PEDS1: variants seen among roughly 807,000 people sequenced by gnomAD.
PEDS1 encodes plasmanylethanolamine desaturase 1.
A neutral mutation model predicts 35.2 loss-of-function variants in PEDS1; 14 were observed. That is an observed-to-expected ratio of 0.40 (90% CI 0.26 to 0.62). The LOEUF (loss-of-function observed/expected upper bound fraction) is 0.62. PEDS1 is among the 20% of genes least tolerant of loss of function. PEDS1 has a pLI of 0.44. For missense variants in PEDS1, 260 were observed against 367.8 expected (o/e 0.71, Z 2.40); for synonymous variants, 152 against 152.0 (o/e 1.00, Z 0.00).
intron 2 of PEDS1, 150 bp from the exon 3 acceptor site, chr20:50,131,097 A>T: frequency 1.3e-6 from 2 of 1,546,874 alleles, no homozygotes; most frequent in Non-Finnish European, 8.8e-7. Flanking sequence ...CTGAAGATGG[A>T]GCCTCAGGCT....
At chr20:50,145,727 T>C (rs1006687407) in intron 1 of PEDS1, among the ~76,000 whole-genome samples, 3 of 151,878 alleles carry the variant, frequency 2.0e-5, no homozygotes, top group Admixed American at 1.3e-4. Flanking sequence ...AAAAACACCA[T>C]GTGGGTGACA....
At position 50,129,153 on chromosome 20, in the gene PEDS1, C is replaced by T. The variant is rs928032429; in HGVS notation, c.478+393G>A. ...GCAGGCCCTGTTTTCACAGCCTAGA[C>T]ATTTTCCACTAGGCCACGGTAGCAA... On this transcript the variant is annotated intron_variant, in intron 4 of 5. Coordinates refer to ENST00000371652, the MANE Select transcript of PEDS1 (RefSeq NM_199129.4). The surrounding 1 kb of genome is among the most constrained non-coding windows in gnomAD (Gnocchi z 4.2). Among the ~76,000 whole-genome samples the T allele has an allele frequency of 5.3e-5, 8 of 152,252 alleles. No homozygotes were observed. The highest frequency in any genetic ancestry group is 1.9e-4 in the African/African-American group (8 of 41,476).
rs1436591438 is a variant in PEDS1, at chr20:50,119,797, A to G, written c.*5261T>C. The G allele has an allele frequency of 6.6e-6, 1 of 152,234 alleles. No homozygotes were observed. The highest frequency in any genetic ancestry group is 1.5e-5 in the Non-Finnish European group (1 of 68,054). The allele number at this position is 152,234 out of a possible 1,614,324, so 9.4% of individuals were successfully genotyped here. On this transcript the variant is annotated 3_prime_UTR_variant, in exon 6 of 6. Transcript: ENST00000371652. Reference sequence around the variant, plus strand: ...TAAAGGGCCAGATCGTAAATATTTTAGGCTGTGTGGACCACGTGGTCTCCG... The same window carrying G: ...TAAAGGGCCAGATCGTAAATATTTTGGGCTGTGTGGACCACGTGGTCTCCG...
In PEDS1 at chr20:50,128,090, G is replaced by A. The variant is rs1215980870; in HGVS notation, c.576C>T (p.Tyr192=). 1 of 1,614,108 alleles carries A rather than the reference G, an allele frequency of 6.2e-7. No individual in the cohort carries two copies. Among genetic ancestry groups the A allele is most frequent in the African/African-American group, 1.3e-5 (1 of 74,932 alleles). The change falls in exon 5 of 6, where the codon TAC becomes TAT. Residue 192 remains tyrosine, a synonymous_variant. Coordinates refer to ENST00000371652, the MANE Select transcript of PEDS1 (RefSeq NM_199129.4). This position sits in a 1 kb window ranked among gnomAD's most constrained non-coding sequence, Gnocchi z 5.2. ...TNQIHKWSHT[Y]FGLPRWVTLL... is the part of the protein sequence containing the mutation. ...GGGTGACCCAGCGTGGCAGCCCAAAGTACGTGTGCGACCACTTGTGGATCT... is the reference window on the plus strand; with the variant it reads ...GGGTGACCCAGCGTGGCAGCCCAAAATACGTGTGCGACCACTTGTGGATCT...
chr20:50,131,821 T>A (rs1456742235), intron 2 of PEDS1, among the ~76,000 whole-genome samples: 1 of 152,182 alleles, frequency 6.6e-6, no homozygotes, highest in African/African-American at 2.4e-5. Flanking sequence ...GTTCAGTAGA[T>A]TTGGACTCAA....
intron 1 of PEDS1, among the ~76,000 whole-genome samples, chr20:50,148,906 T>A (rs2081372927): frequency 6.6e-6 from 1 of 151,090 alleles, no homozygotes; most frequent in Non-Finnish European, 1.5e-5. Context: ...AGGTCAGGAG[T>A]TGGAGACCAG....
Position 50,128,766 on chromosome 20 carries a change from A to G in PEDS1, c.479-579T>C, listed in dbSNP as rs2081140647. On this transcript the variant is annotated intron_variant, in intron 4 of 5. Transcript: ENST00000371652. This position sits in a 1 kb window ranked among gnomAD's most constrained non-coding sequence, Gnocchi z 5.2. ...GGTGTTAACGGCTCTTTAGAATTAG[A>G]CCCACTCAGAGGCAAAGGGACTAGC... is the stretch of plus-strand genomic sequence containing the variant. 6.6e-6 allele frequency among the ~76,000 whole-genome samples: 1 copy of G among 152,126 alleles called. No individual in the cohort carries two copies. Among genetic ancestry groups the G allele is most frequent in the African/African-American group, 2.4e-5 (1 of 41,416 alleles).
intron 1 of PEDS1, chr20:50,151,257 C>T: frequency 7.7e-7 from 1 of 1,304,280 alleles, no homozygotes. Context: ...AGATTTGGGG[C>T]ACCAGGCTGT....
chr20:50,142,971 A>C (rs1259655574), intron 2 of PEDS1, among the ~76,000 whole-genome samples: 2 of 152,088 alleles, frequency 1.3e-5, no homozygotes, highest in African/African-American at 2.4e-5. Context: ...GGGTGGCTAG[A>C]GGAAGCTGGG....
intron 1 of PEDS1, among the ~76,000 whole-genome samples, chr20:50,152,093 G>A (rs2081410750): frequency 6.6e-6 from 1 of 152,190 alleles, no homozygotes. Context: ...CAGGAGAGCA[G>A]GAGGTTTTAA....
At chr20:50,130,312 C>T (rs1241470713) in intron 3 of PEDS1, among the ~76,000 whole-genome samples, 2 of 152,118 alleles carry the variant, frequency 1.3e-5, no homozygotes, top group African/African-American at 4.8e-5. Context: ...TTCTTGGGAG[C>T]TGGAAGGATG....
In PEDS1 at chr20:50,127,976, T is replaced by G; in HGVS notation, c.690A>C (p.Thr230=). Residue 230 remains threonine, a splice_region_variant and synonymous_variant, in exon 5 of 6, where the codon ACA becomes ACC. Transcript: ENST00000371652. The part of the protein sequence containing the change: ...SPHETYFCIT[T]GWLNYPLEKI... ...ATTCCACGCCACTGGTGGCCGCACC[T>G]GTGGTGATGCAGAAGTAGGTCTCGT... 1 of 1,613,600 alleles carries G rather than the reference T, an allele frequency of 6.2e-7. No homozygotes were observed. The highest frequency in any genetic ancestry group is 8.5e-7 in the Non-Finnish European group (1 of 1,179,800).
intron 2 of PEDS1, among the ~76,000 whole-genome samples, chr20:50,139,880 C>T (rs527269120): frequency 2.1e-4 from 32 of 152,078 alleles, no homozygotes; most frequent in Non-Finnish European, 3.8e-4. Flanking sequence ...AGGGTTTCAC[C>T]GTCCCAAAGT....
intron 2 of PEDS1, among the ~76,000 whole-genome samples, chr20:50,137,246 G>A (rs1258520607): frequency 2.0e-5 from 3 of 151,994 alleles, no homozygotes; most frequent in African/African-American, 4.8e-5. Context: ...TGTCCAGGCT[G>A]ACCAGTGAAC....
intron 5 of PEDS1, among the ~76,000 whole-genome samples, chr20:50,127,338 TG>T (rs1406392969): frequency 2.2e-5 from 3 of 139,414 alleles, no homozygotes; most frequent in South Asian, 2.2e-4. Flanking sequence ...CCGTGTTTTC[TG>T]GTTTTTTTTT....
At chr20:50,126,108 AC>A (rs1477570571) in intron 5 of PEDS1, among the ~76,000 whole-genome samples, 1 of 151,586 alleles carries the variant, frequency 6.6e-6, no homozygotes, top group Non-Finnish European at 1.5e-5. Flanking sequence ...GTGTTTGTTC[AC>A]CCCCCAATCC....
intron 2 of PEDS1, among the ~76,000 whole-genome samples, chr20:50,139,927 G>A (rs755074601): frequency 2.0e-5 from 3 of 151,912 alleles, no homozygotes; most frequent in Non-Finnish European, 4.4e-5. Flanking sequence ...TGCCCGGCCG[G>A]ACCCCCAGAT....
At position 50,141,166 on chromosome 20, in the gene PEDS1, C is replaced by T. The variant is rs571809091; in HGVS notation, c.241+2336G>A. ...CCCAATGTTAACTGGAGGCTATACA[C>T]GCCCTGGTGGGGAAGTCCTCAACTG... On this transcript the variant is annotated intron_variant, in intron 2 of 5. Transcript: ENST00000371652. Among the ~76,000 whole-genome samples the T allele has an allele frequency of 6.6e-5, 10 of 152,346 alleles. No individual in the cohort carries two copies. In the East Asian group the frequency reaches 1.9e-3, roughly 29 times the overall value.
In PEDS1 at chr20:50,153,524, G is replaced by A. The variant is rs1447095593; in HGVS notation, c.114C>T (p.Tyr38=). The A allele has an allele frequency of 1.4e-6, 2 of 1,415,204 alleles. No individual in the cohort carries two copies. The highest frequency in any genetic ancestry group is 5.2e-5 in the Admixed American group (2 of 38,122). The allele number at this position is 1,415,204 out of a possible 1,614,324, so 87.7% of individuals were successfully genotyped here. ...HAGARELAAL[Y]SPGKRLQEWC... ...GGGGCCCAGAGGTCTTACCTGGCGA[G>A]TAGAGCGCAGCCAGCTCGCGGGCCC... The change falls in exon 1 of 6, where the codon TAC becomes TAT. Residue 38 remains tyrosine, a synonymous_variant. Coordinates refer to ENST00000371652, the MANE Select transcript of PEDS1 (RefSeq NM_199129.4).
Sources: gnomAD v4.1 joint callset for allele counts (sites outside exome capture counted in the v4.1 genomes callset) on GRCh38, gnomAD v4.1.1 for gene constraint, Gnocchi (gnomAD v3.1) non-coding constraint, MANE v1.5 for transcripts, NCBI Gene and HGNC (gene_info 2026-07-23, HGNC 2026-07-21) for gene names.